The following OR14I1 variants were observed in gnomAD, a reference collection of about 807,000 sequenced individuals.
OR14I1 encodes olfactory receptor family 14 subfamily I member 1.
For synonymous variants in OR14I1, 118 were observed against 71.1 expected (o/e 1.66, Z -3.32); for missense variants, 279 against 181.8 (o/e 1.53, Z -3.07).
the OR14I1 span, among the ~76,000 whole-genome samples, chr1:248,690,763 G>A: frequency 6.6e-6 from 1 of 150,562 alleles, no homozygotes. Flanking sequence ...CCATAACCTG[G>A]CAGAGACACA....
At chr1:248,695,692 C>G in the OR14I1 span, among the ~76,000 whole-genome samples, 1 of 152,110 alleles carries the variant, frequency 6.6e-6, no homozygotes, top group African/African-American at 2.4e-5. Flanking sequence ...CATGGCAGCA[C>G]CCAGCTCCCA....
chr1:248,695,227 G>C, the OR14I1 span, among the ~76,000 whole-genome samples: 1 of 122,396 alleles, frequency 8.2e-6, no homozygotes. Flanking sequence ...TTGAATGTAT[G>C]CTTTTTTTTT....
downstream of OR14I1, among the ~76,000 whole-genome samples, chr1:248,679,757 A>T (rs1177738132): frequency 6.6e-6 from 1 of 152,146 alleles, no homozygotes; most frequent in Non-Finnish European, 1.5e-5. Flanking sequence ...CATTTTCCCC[A>T]TCCTGGGCCA....
At chr1:248,700,850 A>G in the OR14I1 span, among the ~76,000 whole-genome samples, 2 of 152,334 alleles carry the variant, frequency 1.3e-5, no homozygotes, top group Admixed American at 6.5e-5. Flanking sequence ...AATTTAATGA[A>G]CTTGTGTTCT....
chr1:248,679,388 C>G (rs1026608780), downstream of OR14I1, among the ~76,000 whole-genome samples: 3 of 151,384 alleles, frequency 2.0e-5, no homozygotes, highest in South Asian at 4.2e-4. Flanking sequence ...ATGTTTAGTA[C>G]TAATATAATA....
the OR14I1 span, among the ~76,000 whole-genome samples, chr1:248,695,950 C>T: frequency 6.6e-6 from 1 of 152,230 alleles, no homozygotes; most frequent in Non-Finnish European, 1.5e-5. Flanking sequence ...GGATCCTGGT[C>T]TCCAGCCCAT....
downstream of OR14I1, among the ~76,000 whole-genome samples, chr1:248,679,980 T>G (rs1661531193): frequency 3.3e-5 from 5 of 152,236 alleles, no homozygotes. Flanking sequence ...ATATTTAATG[T>G]TTTAAATGTA....
downstream of OR14I1, among the ~76,000 whole-genome samples, chr1:248,678,340 G>T (rs935460628): frequency 1.3e-5 from 2 of 152,172 alleles, no homozygotes; most frequent in African/African-American, 4.8e-5. Context: ...AAAGACTCAT[G>T]AATAGTCAGC....
At chr1:248,691,566 C>T in the OR14I1 span, among the ~76,000 whole-genome samples, 6 of 152,246 alleles carry the variant, frequency 3.9e-5, no homozygotes, top group Non-Finnish European at 8.8e-5. Context: ...GACATTCCAG[C>T]TCCTCCAAGT....
At chr1:248,687,755 C>A in the OR14I1 span, among the ~76,000 whole-genome samples, 1 of 152,188 alleles carries the variant, frequency 6.6e-6, no homozygotes, top group East Asian at 1.9e-4. Flanking sequence ...AGAAAAATCA[C>A]CTGCTTGCCT....
chr1:248,688,839 T>C, the OR14I1 span, among the ~76,000 whole-genome samples: 2 of 152,226 alleles, frequency 1.3e-5, no homozygotes, highest in African/African-American at 2.4e-5. Flanking sequence ...TTCTTACAAA[T>C]GTTTTTCTAA....
upstream of OR14I1, among the ~76,000 whole-genome samples, chr1:248,685,555 G>A (rs553767200): frequency 2.0e-5 from 3 of 151,968 alleles, no homozygotes; most frequent in South Asian, 2.1e-4. Flanking sequence ...CCAATTCCTT[G>A]TAATGTATTA....
At chr1:248,685,038 CAAA>C (rs918327433), upstream of OR14I1, among the ~76,000 whole-genome samples, 6 of 151,886 alleles carry the variant, frequency 4.0e-5, no homozygotes, top group African/African-American at 1.4e-4. Context: ...ACATTAATGT[CAAA>C]GAAGCAACTG....
the OR14I1 span, among the ~76,000 whole-genome samples, chr1:248,690,307 C>G: frequency 6.6e-6 from 1 of 151,598 alleles, no homozygotes; most frequent in Non-Finnish European, 1.5e-5. Flanking sequence ...TTTGAAAAGA[C>G]TAACAAAATA....
At chr1:248,694,554 T>G in the OR14I1 span, among the ~76,000 whole-genome samples, 1 of 152,192 alleles carries the variant, frequency 6.6e-6, no homozygotes, top group South Asian at 2.1e-4. Flanking sequence ...TTTTTTCCCC[T>G]TAAAAGTACA....
At chr1:248,684,854 G>GA (rs5782533), upstream of OR14I1, among the ~76,000 whole-genome samples, 106,591 of 147,408 alleles carry the variant, frequency 0.72, 40,458 homozygotes, top group Middle Eastern at 0.86. Context: ...GTAGCGGAGG[G>GA]AAAAAATAAG....
the OR14I1 span, among the ~76,000 whole-genome samples, chr1:248,702,587 C>G: frequency 1.3e-5 from 2 of 152,248 alleles, no homozygotes; most frequent in East Asian, 3.9e-4. Context: ...ATTGCCATAG[C>G]CCTTCTGTTC....
the OR14I1 span, among the ~76,000 whole-genome samples, chr1:248,696,480 C>T: frequency 3.9e-5 from 6 of 152,104 alleles, no homozygotes; most frequent in African/African-American, 1.4e-4. Flanking sequence ...AATCAGTCGA[C>T]TTCTGTTCAC....
chr1:248,702,626 G>A, the OR14I1 span, among the ~76,000 whole-genome samples: 1 of 151,920 alleles, frequency 6.6e-6, no homozygotes, highest in African/African-American at 2.4e-5. Context: ...GTCCCCTAGA[G>A]CCTACTCTCA....
Sources: gnomAD v4.1 joint callset for allele counts (sites outside exome capture counted in the v4.1 genomes callset) on GRCh38, gnomAD v4.1.1 for gene constraint, MANE v1.5 for transcripts, NCBI Gene and HGNC (gene_info 2026-07-23, HGNC 2026-07-21) for gene names.